The following XRCC4 variants were observed in gnomAD, a reference collection of about 807,000 sequenced individuals.
XRCC4 encodes the protein X-ray repair cross complementing 4.
Under a neutral mutation model 39.1 loss-of-function variants are expected in XRCC4, and 28 were observed. The ratio of observed to expected loss-of-function variants is 0.72; its 90% CI spans 0.53 to 0.98. XRCC4 has a LOEUF of 0.98. XRCC4 is among the 50% of genes least tolerant of loss of function. XRCC4 has a pLI of 0.00. For synonymous variants in XRCC4, 123 were observed against 126.4 expected (o/e 0.97, Z 0.18); for missense variants, 350 against 376.4 (o/e 0.93, Z 0.58).
intron 6 of XRCC4, among the ~76,000 whole-genome samples, chr5:83,213,604 A>T (rs1751736386): frequency 6.6e-6 from 1 of 152,226 alleles, no homozygotes; most frequent in East Asian, 1.9e-4. Context: ...CCCTGGGCCC[A>T]GATGACTTCA....
chr5:83,079,339 G>T (rs923920838), intron 1 of XRCC4, among the ~76,000 whole-genome samples: 2 of 151,852 alleles, frequency 1.3e-5, no homozygotes, highest in East Asian at 3.9e-4. Flanking sequence ...GACGTGGTGA[G>T]TTTTTTTTGG....
intron 7 of XRCC4, among the ~76,000 whole-genome samples, chr5:83,344,415 C>CTTTTTTTTTTTTT (rs70973394): frequency 1.7e-5 from 2 of 115,240 alleles, no homozygotes; most frequent in African/African-American, 3.7e-5. Context: ...TTATTTTTCA[C>CTTTTTTTTTTTTT]TTTTTTTTTT....
intron 3 of XRCC4, among the ~76,000 whole-genome samples, chr5:83,118,212 A>T (rs567690201): frequency 6.6e-6 from 1 of 152,034 alleles, no homozygotes; most frequent in Admixed American, 6.5e-5. Context: ...TTTTTCAGTG[A>T]TATAAAAATC....
chr5:83,099,082 A>T (rs934364302), intron 1 of XRCC4, among the ~76,000 whole-genome samples: 1 of 152,242 alleles, frequency 6.6e-6, no homozygotes, highest in African/African-American at 2.4e-5. Flanking sequence ...GTCAAACAAA[A>T]TAATGTAACC....
chr5:83,362,294 C>CAAAAAAAAAAAAAAAAAAAAAAAAAAA, the XRCC4 span, among the ~76,000 whole-genome samples: 1 of 73,184 alleles, frequency 1.4e-5, no homozygotes, highest in East Asian at 5.0e-4. Flanking sequence ...GCTATTTAGG[C>CAAAAAAAAAAAAAAAAAAAAAAAAAAA]AAAAAAAAAA....
chr5:83,261,035 A>G (rs781210041), intron 7 of XRCC4, among the ~76,000 whole-genome samples: 1 of 151,980 alleles, frequency 6.6e-6, no homozygotes. Flanking sequence ...ATGTTAAATT[A>G]TGTATTTTTT....
chr5:83,077,657 T>A (rs1038998107), intron 1 of XRCC4, 42 bp downstream of exon 1: 2 of 305,558 alleles, frequency 6.5e-6, no homozygotes, highest in South Asian at 6.0e-5. Context: ...ATAACAAAAA[T>A]CTGAGGTTCT....
chr5:83,330,834 T>C (rs1229078101), intron 7 of XRCC4, among the ~76,000 whole-genome samples: 1 of 152,068 alleles, frequency 6.6e-6, no homozygotes, highest in Non-Finnish European at 1.5e-5. Context: ...TAAGAAAACA[T>C]TTTAAGGCTG....
chr5:83,204,735 C>A, intron 5 of XRCC4, 80 bp from the exon 6 acceptor site: 2 of 951,358 alleles, frequency 2.1e-6, no homozygotes, highest in Non-Finnish European at 1.6e-6. Context: ...GGAATATTTT[C>A]TATAATTGCT....
At chr5:83,271,761 A>G (rs537307963) in intron 7 of XRCC4, among the ~76,000 whole-genome samples, 17 of 152,214 alleles carry the variant, frequency 1.1e-4, no homozygotes, top group Non-Finnish European at 2.1e-4. Context: ...AAAGGGAACA[A>G]TTTAAATAGT....
At chr5:83,119,816 G>C (rs1374662115) in intron 3 of XRCC4, among the ~76,000 whole-genome samples, 2 of 151,546 alleles carry the variant, frequency 1.3e-5, no homozygotes, top group Admixed American at 1.3e-4. Flanking sequence ...CTACCAAAAA[G>C]AAAAAAGTAA....
intron 1 of XRCC4, among the ~76,000 whole-genome samples, chr5:83,090,018 C>T (rs1158725270): frequency 6.6e-6 from 1 of 152,134 alleles, no homozygotes; most frequent in Non-Finnish European, 1.5e-5. Context: ...ATGATGTGTT[C>T]ACCAAGCAGG....
intron 6 of XRCC4, among the ~76,000 whole-genome samples, chr5:83,235,108 G>A (rs1284800645): frequency 1.3e-5 from 2 of 151,628 alleles, no homozygotes; most frequent in African/African-American, 2.4e-5. Flanking sequence ...TCCAAGGCAG[G>A]TGAATGATTT....
intron 3 of XRCC4, among the ~76,000 whole-genome samples, chr5:83,122,433 C>A (rs1343051965): frequency 1.3e-5 from 2 of 152,050 alleles, no homozygotes; most frequent in African/African-American, 4.8e-5. Context: ...GGGAAGAAGG[C>A]AGGGATGTTG....
At chr5:83,154,490 G>A (rs1748863137) in intron 3 of XRCC4, among the ~76,000 whole-genome samples, 1 of 152,196 alleles carries the variant, frequency 6.6e-6, no homozygotes, top group South Asian at 2.1e-4. Context: ...AAGCACTTCT[G>A]GTCCCAAGCA....
chr5:83,090,312 C>A (rs927484920), intron 1 of XRCC4, among the ~76,000 whole-genome samples: 1 of 148,250 alleles, frequency 6.7e-6, no homozygotes, highest in Non-Finnish European at 1.5e-5. Flanking sequence ...ATAAATCTCA[C>A]GAGATCTGAT....
At chr5:83,222,802 G>C (rs1752138722) in intron 6 of XRCC4, among the ~76,000 whole-genome samples, 1 of 152,006 alleles carries the variant, frequency 6.6e-6, no homozygotes. Context: ...GGCTTGAGTG[G>C]AGTGGTGCGA....
At chr5:83,150,045 C>A (rs1336341217) in intron 3 of XRCC4, among the ~76,000 whole-genome samples, 2 of 152,122 alleles carry the variant, frequency 1.3e-5, no homozygotes, top group African/African-American at 4.8e-5. Context: ...GGAAGAACAT[C>A]CTTTGAAACA....
In XRCC4 at chr5:83,313,081, C is replaced by CTTTT. The variant is rs34133547; in HGVS notation, c.894-40039_894-40036dup. 1.7e-3 allele frequency among the ~76,000 whole-genome samples: 247 copies of CTTTT among 142,892 alleles called. 1 individual carries two copies. The highest frequency in any genetic ancestry group is 5.9e-3 in the African/African-American group (232 of 39,178). The allele number at this position is 142,892 out of a possible 152,430, so 93.7% of individuals were successfully genotyped here. On this transcript the variant is annotated intron_variant, in intron 7 of 7. Transcript: ENST00000396027. ...GTCTCTTTTTTCTTTTCTTTTCTTT[C>CTTTT]TTTTTTTTTTTTTTACAATAAAAGT...
Sources: allele counts gnomAD v4.1 joint callset (sites outside exome capture counted in the v4.1 genomes callset), GRCh38; gene constraint gnomAD v4.1.1; transcripts MANE v1.5; gene names NCBI Gene and HGNC (gene_info 2026-07-23, HGNC 2026-07-21).